The following FBXL5 variants were observed in gnomAD, a reference collection of about 807,000 sequenced individuals.
The protein encoded by FBXL5 is F-box/LRR-repeat protein 5.
Under a neutral mutation model 78.3 loss-of-function variants are expected in FBXL5, and 26 were observed. The ratio of observed to expected loss-of-function variants is 0.33; its 90% CI spans 0.24 to 0.46. FBXL5 has a LOEUF of 0.46. Among genes scored for constraint, FBXL5 ranks in the 20% least tolerant of loss-of-function variants. The pLI is 1.00. For missense variants in FBXL5, 710 were observed against 829.2 expected (o/e 0.86, Z 1.77); for synonymous variants, 295 against 282.5 (o/e 1.04, Z -0.45).
intron 9 of FBXL5, among the ~76,000 whole-genome samples, chr4:15,615,968 T>C (rs143246450): frequency 0.059 from 8,925 of 152,196 alleles, 433 homozygotes; most frequent in East Asian, 0.23. Context: ...GCTGCTTTTA[T>C]GAGCTGTAAC....
rs1211007702 is a variant in FBXL5, at chr4:15,627,866, A to G, written c.1041+19T>C. ...TGCTGTTTTTCTTAATACCCAAACTAGTGTTAATTTAAACATACCATTTTG... is the reference window on the plus strand; with the variant it reads ...TGCTGTTTTTCTTAATACCCAAACTGGTGTTAATTTAAACATACCATTTTG... On this transcript the variant is annotated intron_variant, in intron 7 of 10. Transcript: ENST00000341285. The G allele has an allele frequency of 3.1e-6, 5 of 1,587,486 alleles. No homozygotes were observed. In the African/African-American group the frequency reaches 6.1e-5, roughly 19 times the overall value.
At chr4:15,617,325 T>G (rs1711996400) in intron 9 of FBXL5, among the ~76,000 whole-genome samples, 1 of 152,066 alleles carries the variant, frequency 6.6e-6, no homozygotes, top group South Asian at 2.1e-4. Flanking sequence ...GTGGACTGCC[T>G]GAGCTCAGGA....
At chr4:15,655,847 G>C (rs920550558), upstream of FBXL5, among the ~76,000 whole-genome samples, 3 of 152,204 alleles carry the variant, frequency 2.0e-5, no homozygotes, top group African/African-American at 4.8e-5. Context: ...TCCTGGGGCC[G>C]AGCGCAGACC....
chr4:15,656,268 C>T, upstream of FBXL5: 1 of 456,164 alleles, frequency 2.2e-6, no homozygotes, highest in Non-Finnish European at 4.4e-6. Flanking sequence ...ATCGCCTGGC[C>T]CTGGCCACAG....
intron 9 of FBXL5, among the ~76,000 whole-genome samples, chr4:15,621,924 G>A (rs1712525079): frequency 6.6e-6 from 1 of 152,156 alleles, no homozygotes; most frequent in Admixed American, 6.6e-5. Flanking sequence ...TACCTCCAGG[G>A]CTCAAGTCAT....
intron 1 of FBXL5, among the ~76,000 whole-genome samples, chr4:15,651,011 G>A (rs1042518390): frequency 2.0e-5 from 3 of 152,050 alleles, no homozygotes; most frequent in African/African-American, 4.8e-5. Flanking sequence ...CTCAAAAGTG[G>A]TATGTCACTT....
At chr4:15,632,165 C>A (rs140614652) in intron 5 of FBXL5, among the ~76,000 whole-genome samples, 1,564 of 152,224 alleles carry the variant, frequency 0.01, 30 homozygotes, top group African/African-American at 0.035. Flanking sequence ...CCATTTATTA[C>A]ATAGGGAATC....
chr4:15,652,103 G>A (rs1441591230), intron 1 of FBXL5, among the ~76,000 whole-genome samples: 2 of 152,132 alleles, frequency 1.3e-5, no homozygotes, highest in African/African-American at 2.4e-5. Flanking sequence ...AAACTCCAAT[G>A]CTCACTGACA....
chr4:15,651,831 A>C (rs1716099487), intron 1 of FBXL5, among the ~76,000 whole-genome samples: 1 of 152,184 alleles, frequency 6.6e-6, no homozygotes, highest in Non-Finnish European at 1.5e-5. Context: ...GTTTATATAT[A>C]AGCCTGGGAA....
intron 9 of FBXL5, 126 bp from the exon 10 acceptor site, chr4:15,612,540 G>A: frequency 1.2e-6 from 1 of 825,776 alleles, no homozygotes; most frequent in East Asian, 3.1e-5. Context: ...AAGAATTTCT[G>A]TAAAACACTG....
chr4:15,653,048 G>A (rs1716318419), intron 1 of FBXL5, among the ~76,000 whole-genome samples: 1 of 152,106 alleles, frequency 6.6e-6, no homozygotes, highest in African/African-American at 2.4e-5. Context: ...GACATCCTAA[G>A]AGAGATTTCC....
chr4:15,649,675 T>G (rs1231286674), intron 1 of FBXL5, among the ~76,000 whole-genome samples: 2 of 152,058 alleles, frequency 1.3e-5, no homozygotes, highest in Non-Finnish European at 2.9e-5. Context: ...TTTTTAAAAT[T>G]GTTTGCCTTC....
chr4:15,675,556 C>G (rs1417023151), intron 1 of FBXL5, among the ~76,000 whole-genome samples: 1 of 149,420 alleles, frequency 6.7e-6, no homozygotes, highest in Non-Finnish European at 1.5e-5. Context: ...CTTAACTTCT[C>G]GGTCACAAAA....
chr4:15,645,909 G>A (rs576768187), intron 1 of FBXL5, among the ~76,000 whole-genome samples: 67 of 152,124 alleles, frequency 4.4e-4, no homozygotes, highest in Non-Finnish European at 8.4e-4. Flanking sequence ...GCTATGATGA[G>A]GCAGGCACTG....
intron 1 of FBXL5, among the ~76,000 whole-genome samples, chr4:15,665,218 G>C (rs983476962): frequency 2.0e-5 from 3 of 152,132 alleles, no homozygotes; most frequent in Admixed American, 6.5e-5. Context: ...ATTGTTAAAA[G>C]GGTTCCAGTG....
intron 9 of FBXL5, among the ~76,000 whole-genome samples, chr4:15,612,736 T>C (rs1722353140): frequency 6.6e-6 from 1 of 152,066 alleles, no homozygotes. Context: ...ACTGTATTAG[T>C]AAGTAAAAAT....
Position 15,626,857 on chromosome 4 carries a change from G to T in FBXL5, c.1124+16C>A. On this transcript the variant is annotated intron_variant, in intron 8 of 10. Transcript: ENST00000341285. ...AATAGTTTTTCATTATATTTAAATTGTTTAAAATAACTAACCTGTCAAATG... is the reference window on the plus strand; with the variant it reads ...AATAGTTTTTCATTATATTTAAATTTTTTAAAATAACTAACCTGTCAAATG... 1 of 1,548,518 alleles carries T rather than the reference G, an allele frequency of 6.5e-7. No individual in the cohort carries two copies. Among genetic ancestry groups the T allele is most frequent in the Non-Finnish European group, 8.8e-7 (1 of 1,141,924 alleles).
intron 1 of FBXL5, among the ~76,000 whole-genome samples, chr4:15,676,440 A>G (rs1717994075): frequency 6.6e-6 from 1 of 152,214 alleles, no homozygotes; most frequent in African/African-American, 2.4e-5. Context: ...AATAAATGTC[A>G]ACAACAAAAA....
chr4:15,628,196 G>A (rs1713261661), intron 6 of FBXL5, among the ~76,000 whole-genome samples, 163 bp from the exon 7 acceptor site: 1 of 152,052 alleles, frequency 6.6e-6, no homozygotes, highest in African/African-American at 2.4e-5. Context: ...GGAAAAAAAT[G>A]TGAAAACTGA....
Sources: allele counts gnomAD v4.1 joint callset (sites outside exome capture counted in the v4.1 genomes callset), GRCh38; gene constraint gnomAD v4.1.1; transcripts MANE v1.5; gene names NCBI Gene and HGNC (gene_info 2026-07-23, HGNC 2026-07-21).